Variants in BMPER observed in about 807,000 individuals in gnomAD.
BMPER encodes BMP binding endothelial regulator, also known as BMP-binding endothelial regulator protein.
Under a neutral mutation model 87.3 loss-of-function variants are expected in BMPER, and 45 were observed. The observed-to-expected ratio is 0.52, with a 90% confidence interval of 0.41 to 0.66. BMPER has a LOEUF of 0.66. Ranked by LOEUF, BMPER falls within the 30% of genes least tolerant of loss-of-function variation. The pLI, the probability that BMPER is intolerant of heterozygous loss-of-function variation, is 0.00. For synonymous variants in BMPER, 326 were observed against 316.2 expected, an observed-to-expected ratio of 1.03 and a Z score of -0.33; for missense variants, 784 against 867.5, an observed-to-expected ratio of 0.90 and a Z score of 1.21.
intron 3 of BMPER, among the ~76,000 whole-genome samples, chr7:33,959,275 C>CT (rs1478670015): frequency 6.6e-6 from 1 of 152,060 alleles, no homozygotes; most frequent in Non-Finnish European, 1.5e-5. Flanking sequence ...ATTTTCTTTC[C>CT]TTTTTTCCCC....
At chr7:34,100,145 A>G (rs1430158196) in intron 13 of BMPER, among the ~76,000 whole-genome samples, 1 of 152,212 alleles carries the variant, frequency 6.6e-6, no homozygotes, top group Non-Finnish European at 1.5e-5. Flanking sequence ...CAGGGGTGAG[A>G]TAAACAGCAT....
intron 8 of BMPER, 111 bp downstream of exon 8, chr7:34,052,081 T>C (rs1188947911): frequency 3.1e-6 from 3 of 978,574 alleles, no homozygotes; most frequent in African/African-American, 3.2e-5. Context: ...GGAGGAAGCA[T>C]TAACAATGCC....
intron 3 of BMPER, among the ~76,000 whole-genome samples, chr7:33,953,245 G>C (rs765548442): frequency 6.0e-4 from 91 of 152,242 alleles, no homozygotes; most frequent in Non-Finnish European, 1.1e-3. Context: ...AGGAGCTGAA[G>C]GCAAAAGCCT....
chr7:34,049,493 A>G (rs183205439), intron 7 of BMPER, among the ~76,000 whole-genome samples: 1 of 152,274 alleles, frequency 6.6e-6, no homozygotes. Flanking sequence ...GCCCGCTATA[A>G]TGGTAGTATA....
chr7:33,933,062 A>G (rs1186267606), intron 2 of BMPER, among the ~76,000 whole-genome samples: 1 of 152,196 alleles, frequency 6.6e-6, no homozygotes, highest in Non-Finnish European at 1.5e-5. Flanking sequence ...CTCGTGGCAG[A>G]TCTCAGACAC....
At chr7:34,126,096 A>G (rs146356419) in intron 13 of BMPER, among the ~76,000 whole-genome samples, 76 of 152,340 alleles carry the variant, frequency 5.0e-4, no homozygotes, top group African/African-American at 1.7e-3. Flanking sequence ...AGAGAAGGTG[A>G]TGAAATGGGA....
At chr7:34,130,202 C>G (rs2127991455) in intron 13 of BMPER, among the ~76,000 whole-genome samples, 1 of 152,142 alleles carries the variant, frequency 6.6e-6, no homozygotes, top group Non-Finnish European at 1.5e-5. Flanking sequence ...CTCTCTCTCT[C>G]TCTCTCTCTG....
chr7:33,932,581 C>G (rs550082064), intron 2 of BMPER, among the ~76,000 whole-genome samples: 3 of 152,042 alleles, frequency 2.0e-5, no homozygotes, highest in Admixed American at 6.5e-5. Context: ...CAGGCAGACA[C>G]GAGGTATTTT....
intron 13 of BMPER, among the ~76,000 whole-genome samples, chr7:34,126,922 C>G (rs868311834): frequency 2.0e-5 from 3 of 152,056 alleles, no homozygotes; most frequent in African/African-American, 4.8e-5. Context: ...TTATTAAGAG[C>G]CTTTATAAAA....
At chr7:33,945,453 T>C (rs140695840) in intron 3 of BMPER, among the ~76,000 whole-genome samples, 1 of 151,308 alleles carries the variant, frequency 6.6e-6, no homozygotes, top group African/African-American at 2.4e-5. Flanking sequence ...GGTTTCGCCA[T>C]GTTGGCCAGG....
rs76603151 is a variant in BMPER, at chr7:33,936,229, C to A, written c.220-1060C>A. Among the ~76,000 whole-genome samples the A allele has an allele frequency of 4.1e-3, 629 of 152,246 alleles. 6 individuals are homozygous for A. The highest frequency in any genetic ancestry group is 0.014 in the African/African-American group (575 of 41,550). ...TATTAATACATATGCCAAGAGAGTTCTAGGTTCATTTCAAGGTGAGCAGAG... is the reference window on the plus strand; with the variant it reads ...TATTAATACATATGCCAAGAGAGTTATAGGTTCATTTCAAGGTGAGCAGAG... On this transcript the variant is annotated intron_variant, in intron 2 of 14. Coordinates refer to ENST00000649409, the MANE Select transcript of BMPER (RefSeq NM_001365308.1).
intron 14 of BMPER, among the ~76,000 whole-genome samples, chr7:34,145,260 C>T (rs1166103183): frequency 2.6e-5 from 4 of 152,022 alleles, no homozygotes; most frequent in Admixed American, 6.6e-5. Flanking sequence ...CTCAGCTGCC[C>T]CTTGGTGCAG....
chr7:34,090,327 G>A (rs1017964375), intron 13 of BMPER, among the ~76,000 whole-genome samples: 10 of 152,142 alleles, frequency 6.6e-5, no homozygotes, highest in Admixed American at 2.6e-4. Flanking sequence ...AGGCTACCTC[G>A]AAGAGAAAAA....
intron 12 of BMPER, among the ~76,000 whole-genome samples, chr7:34,080,332 A>T (rs1033332028): frequency 6.6e-6 from 1 of 152,168 alleles, no homozygotes; most frequent in Admixed American, 6.5e-5. Flanking sequence ...TGATAAGTTG[A>T]TTTGAGCTTA....
At chr7:33,951,013 CT>C (rs561136707) in intron 3 of BMPER, among the ~76,000 whole-genome samples, 1 of 151,982 alleles carries the variant, frequency 6.6e-6, no homozygotes, top group Non-Finnish European at 1.5e-5. Context: ...TTGCTCTCCC[CT>C]GTCTCCCCAT....
At chr7:34,085,724 A>G (rs914215411) in intron 12 of BMPER, 32 bp from the exon 13 acceptor site, 1 of 1,570,170 alleles carries the variant, frequency 6.4e-7, no homozygotes, top group Non-Finnish European at 8.8e-7. Flanking sequence ...TTAATGAGTG[A>G]TTGATTTCCT....
intron 6 of BMPER, among the ~76,000 whole-genome samples, chr7:33,993,849 T>A (rs1037521174): frequency 3.9e-5 from 6 of 152,330 alleles, no homozygotes; most frequent in African/African-American, 1.4e-4. Context: ...GACAGGACCC[T>A]CAGCTGCAGG....
At chr7:34,003,511 A>T (rs1272824964) in intron 6 of BMPER, among the ~76,000 whole-genome samples, 1 of 151,946 alleles carries the variant, frequency 6.6e-6, no homozygotes, top group Middle Eastern at 3.2e-3. Context: ...TCTCTTTTAT[A>T]TTTACCTATG....
At chr7:34,124,722 G>A (rs1790355195) in intron 13 of BMPER, among the ~76,000 whole-genome samples, 1 of 151,968 alleles carries the variant, frequency 6.6e-6, no homozygotes, top group Admixed American at 6.6e-5. Context: ...GTAATGAAAA[G>A]CATCCTTTTT....
Sources: gnomAD v4.1 joint callset for allele counts (sites outside exome capture counted in the v4.1 genomes callset) on GRCh38, gnomAD v4.1.1 for gene constraint, MANE v1.5 for transcripts, NCBI Gene and HGNC (gene_info 2026-07-23, HGNC 2026-07-21) for gene names.